PCSK5: variants seen among roughly 807,000 people sequenced by gnomAD.
PCSK5 encodes the protein prohormone convertase 5.
In PCSK5, 129 loss-of-function variants were observed where a neutral mutation model predicts 233.2. The observed-to-expected ratio is 0.55, with a 90% confidence interval of 0.48 to 0.64. The LOEUF (loss-of-function observed/expected upper bound fraction) is 0.64, where lower values mean the gene tolerates loss of function less well. PCSK5 is among the 30% of genes least tolerant of loss of function. The pLI is 0.00. For missense variants in PCSK5, 2,076 were observed against 2,430.1 expected (o/e 0.85, Z 3.06); for synonymous variants, 825 against 879.2 (o/e 0.94, Z 1.09).
intron 2 of PCSK5, among the ~76,000 whole-genome samples, chr9:75,936,555 C>G (rs1250578706): frequency 6.6e-6 from 1 of 152,236 alleles, no homozygotes. Context: ...GAAGCAATTC[C>G]TTACCTGTTC....
rs756374231 is a variant in PCSK5 at position 76,321,427 on chromosome 9, C to T, written c.3890C>T (p.Ser1297Phe). 9 of 1,559,274 alleles carry T rather than the reference C, an allele frequency of 5.8e-6. No homozygotes were observed. Among genetic ancestry groups the T allele is most frequent in the Non-Finnish European group, 7.1e-6 (8 of 1,131,370 alleles). The change falls in exon 31 of 38, where the codon TCT becomes TTT. Residue 1297 changes from serine (S) to phenylalanine (F), a missense_variant. Physicochemically the swap from Ser to Phe is radical, Grantham distance 155 (BLOSUM62 -2). Transcript: ENST00000674117. ...GRCYSKCPEG[S>F]YAEDGICERC... ...ACTCTGTCTTCCTTCCACAGGGGCT[C>T]TTATGCAGAAGACGGCATATGTGAA...
chr9:76,094,039 G>A (rs1348178022), intron 7 of PCSK5, among the ~76,000 whole-genome samples: 5 of 152,080 alleles, frequency 3.3e-5, no homozygotes, highest in Non-Finnish European at 5.9e-5. Context: ...CCCAGCTGTC[G>A]AGCAGCAATA....
At chr9:76,109,076 G>A (rs1035426440) in intron 9 of PCSK5, among the ~76,000 whole-genome samples, 6 of 152,156 alleles carry the variant, frequency 3.9e-5, no homozygotes, top group Non-Finnish European at 2.9e-5. Flanking sequence ...CTTTTAAGGT[G>A]TTAAAAGTTT....
intron 34 of PCSK5, among the ~76,000 whole-genome samples, chr9:76,333,445 C>A (rs183023827): frequency 2.6e-5 from 4 of 152,148 alleles, no homozygotes; most frequent in African/African-American, 9.7e-5. Flanking sequence ...CCTGTCATGT[C>A]ACCTATAAAT....
intron 30 of PCSK5, among the ~76,000 whole-genome samples, chr9:76,320,739 G>A: frequency 6.6e-6 from 1 of 151,700 alleles, no homozygotes; most frequent in Non-Finnish European, 1.5e-5. Flanking sequence ...CTCCCAGAGT[G>A]CTGGGATTAC....
rs758332230 is a variant in PCSK5 at position 76,328,128 on chromosome 9, T to A, written c.4459T>A (p.Tyr1487Asn). Residue 1487 changes from tyrosine (Y) to asparagine (N), a missense_variant, in exon 33 of 38, where the codon TAC becomes AAC. This residue lies in a region of PCSK5 where 1,510 missense variants were observed against 1,538.1 expected (regional missense o/e 0.98). Coordinates refer to ENST00000674117, the MANE Select transcript of PCSK5 (RefSeq NM_001372043.1). ...MANEKCSPSE[Y>N]WDEDAPGCKP... ...CAACGAGAAGTGCTCACCCTCCGAG[T>A]ACTGGGATGAGGATGCTCCCGGGTG... 4.3e-6 allele frequency: 7 copies of A among 1,612,606 alleles called. No individual in the cohort carries two copies. The South Asian group carries it at 7.7e-5, about 18-fold the overall frequency.
intron 10 of PCSK5, among the ~76,000 whole-genome samples, chr9:76,154,644 A>C (rs912558692): frequency 3.2e-4 from 49 of 152,178 alleles, no homozygotes; most frequent in African/African-American, 1.1e-3. Flanking sequence ...GCTAGTTTAA[A>C]ACCACTTGAC....
chr9:75,891,531 G>GCA (rs34768107), intron 1 of PCSK5, among the ~76,000 whole-genome samples, 158 bp downstream of exon 1: 2,527 of 148,756 alleles, frequency 0.017, 64 homozygotes, highest in African/African-American at 0.051. Flanking sequence ...GCGCGCGTAC[G>GCA]CACACACACA....
chr9:75,981,654 G>A (rs1826283162), intron 2 of PCSK5, among the ~76,000 whole-genome samples: 1 of 152,104 alleles, frequency 6.6e-6, no homozygotes, highest in Non-Finnish European at 1.5e-5. Flanking sequence ...CTGGGCTCAG[G>A]TGATCCTCCC....
intron 2 of PCSK5, among the ~76,000 whole-genome samples, chr9:75,945,848 T>C (rs1824542698): frequency 6.6e-6 from 1 of 152,204 alleles, no homozygotes. Context: ...TCAGCCTTCA[T>C]ATCACTTCCT....
At chr9:75,925,439 T>A (rs1399808434) in intron 1 of PCSK5, among the ~76,000 whole-genome samples, 1 of 152,198 alleles carries the variant, frequency 6.6e-6, no homozygotes, top group African/African-American at 2.4e-5. Context: ...GCACTGTTAA[T>A]AGGAGGTGAG....
chr9:76,164,460 C>G (rs1823011478), intron 12 of PCSK5, among the ~76,000 whole-genome samples: 3 of 152,186 alleles, frequency 2.0e-5, no homozygotes, highest in Admixed American at 1.3e-4. Flanking sequence ...AGCACAGTGC[C>G]TAGCATAGTA....
chr9:76,309,250 T>C (rs1313927039), intron 29 of PCSK5, among the ~76,000 whole-genome samples: 1 of 152,010 alleles, frequency 6.6e-6, no homozygotes, highest in Non-Finnish European at 1.5e-5. Context: ...TCTAAAGGCA[T>C]GATGAAGAGG....
intron 3 of PCSK5, among the ~76,000 whole-genome samples, chr9:76,013,095 T>A (rs58791374): frequency 4.9e-5 from 7 of 142,326 alleles, no homozygotes; most frequent in Non-Finnish European, 7.7e-5. Context: ...CACTAATAAG[T>A]CTTTTTTGTC....
intron 2 of PCSK5, among the ~76,000 whole-genome samples, chr9:75,945,473 T>TCCACCATCAGTGTTGACCTGGTTAATC (rs1365790618): frequency 1.3e-5 from 2 of 152,150 alleles, no homozygotes; most frequent in Non-Finnish European, 1.5e-5. Flanking sequence ...CCTGGTTAAT[T>TCCACCATCAGTGTTGACCTGGTTAATC]CCACCATCAG....
At chr9:76,102,331 G>A (rs533082813) in intron 8 of PCSK5, among the ~76,000 whole-genome samples, 1 of 152,036 alleles carries the variant, frequency 6.6e-6, no homozygotes, top group South Asian at 2.1e-4. Flanking sequence ...GTGTTCCTGT[G>A]GGTTTATATA....
chr9:76,200,934 A>G (rs983386318), intron 20 of PCSK5, among the ~76,000 whole-genome samples: 4 of 152,152 alleles, frequency 2.6e-5, no homozygotes, highest in Admixed American at 2.6e-4. Flanking sequence ...CATCAAGTCA[A>G]CTCTTGGCCT....
At chr9:76,262,165 T>A (rs1587815138) in intron 24 of PCSK5, among the ~76,000 whole-genome samples, 2 of 152,128 alleles carry the variant, frequency 1.3e-5, no homozygotes, top group South Asian at 2.1e-4. Flanking sequence ...TGCTCATGGG[T>A]AGGAAGAATC....
At chr9:76,134,610 G>A (rs1822896105) in intron 10 of PCSK5, among the ~76,000 whole-genome samples, 1 of 151,990 alleles carries the variant, frequency 6.6e-6, no homozygotes, top group African/African-American at 2.4e-5. Flanking sequence ...TCACTTTAGT[G>A]TAGCACTGTT....
Sources: gnomAD v4.1 joint callset for allele counts (sites outside exome capture counted in the v4.1 genomes callset) on GRCh38, gnomAD v4.1.1 for gene constraint, gnomAD v4.1.1 regional missense constraint, MANE v1.5 for transcripts, NCBI Gene and HGNC (gene_info 2026-07-23, HGNC 2026-07-21) for gene names.